ALDH8A1: variants seen among roughly 807,000 people sequenced by gnomAD.
The protein encoded by ALDH8A1 is 2-aminomuconic semialdehyde dehydrogenase.
ALDH8A1 carries 39 observed loss-of-function variants against 43.3 expected under a neutral mutation model. The observed-to-expected ratio is 0.90, with a 90% CI of 0.70 to 1.18. The LOEUF is 1.18. ALDH8A1 is among the 50% of genes most tolerant of loss of function. The probability of loss-of-function intolerance (pLI) is 0.00; values close to 1 mark genes in which losing one functional copy is unlikely to be tolerated. For synonymous variants in ALDH8A1, 233 were observed against 243.5 expected, an observed-to-expected ratio of 0.96 and a Z score of 0.40; for missense variants, 605 against 622.6, an observed-to-expected ratio of 0.97 and a Z score of 0.30.
chr6:134,946,387 T>C (rs975350422), intron 1 of ALDH8A1, among the ~76,000 whole-genome samples: 1 of 152,184 alleles, frequency 6.6e-6, no homozygotes, highest in Non-Finnish European at 1.5e-5. Context: ...AATCTGGTCT[T>C]TTTGCTATTC....
chr6:134,933,013 G>T lies in ALDH8A1; in HGVS notation c.612C>A (p.Val204=), dbSNP rs749648089. 45 of 1,587,044 alleles carry T rather than the reference G, an allele frequency of 2.8e-5. No individual in the cohort carries two copies. The highest frequency in any genetic ancestry group is 3.8e-5 in the Non-Finnish European group (44 of 1,167,432). ...TGGGCCCGGTTCCAAACACAATATT[G>T]ACCACACCTGGTGGAACACCTGGAT... The part of the protein sequence containing the change: ...LDKAGVPPGV[V]NIVFGTGPRV... Residue 204 remains valine (V), a synonymous_variant, in exon 5 of 7, where the codon GTC becomes GTA. Coordinates refer to ENST00000265605, the MANE Select transcript of ALDH8A1 (RefSeq NM_022568.4).
intron 1 of ALDH8A1, among the ~76,000 whole-genome samples, chr6:134,945,858 T>C (rs1332617640): frequency 6.6e-6 from 1 of 152,134 alleles, no homozygotes; most frequent in Non-Finnish European, 1.5e-5. Flanking sequence ...CCAAATCTCA[T>C]CTTGAATTGT....
At chr6:134,936,062 C>T (rs1437239127) in intron 4 of ALDH8A1, among the ~76,000 whole-genome samples, 1 of 152,120 alleles carries the variant, frequency 6.6e-6, no homozygotes, top group African/African-American at 2.4e-5. Context: ...AGCGATTTTC[C>T]CACCTCAGCC....
At chr6:134,944,321 G>A (rs899313683) in intron 1 of ALDH8A1, 5 of 183,988 alleles carry the variant, frequency 2.7e-5, no homozygotes, top group Non-Finnish European at 4.6e-5. Flanking sequence ...CACTCGCCTC[G>A]GCCTCCCAAA....
At chr6:134,935,272 C>T (rs899777618) in intron 4 of ALDH8A1, among the ~76,000 whole-genome samples, 5 of 152,084 alleles carry the variant, frequency 3.3e-5, no homozygotes, top group East Asian at 1.9e-4. Context: ...CACTGCTATC[C>T]GTGACTCACA....
At chr6:134,942,662 CT>C in intron 2 of ALDH8A1, 98 bp from the exon 3 acceptor site, 1 of 1,288,828 alleles carries the variant, frequency 7.8e-7, no homozygotes, top group Non-Finnish European at 1.1e-6. Flanking sequence ...CTGAAACAGC[CT>C]GGATTCCTTC....
chr6:134,933,087 G>A, intron 4 of ALDH8A1, 55 bp from the exon 5 acceptor site: 1 of 1,474,734 alleles, frequency 6.8e-7, no homozygotes, highest in Non-Finnish European at 8.9e-7. Flanking sequence ...AAGAGTTCAA[G>A]TTACTTGGAA....
At chr6:134,930,509 C>T (rs184697221) in intron 5 of ALDH8A1, among the ~76,000 whole-genome samples, 193 of 152,342 alleles carry the variant, frequency 1.3e-3, no homozygotes, top group South Asian at 2.1e-3. Flanking sequence ...ATGTTTGTGT[C>T]TGACTTCACA....
intron 4 of ALDH8A1, among the ~76,000 whole-genome samples, chr6:134,933,438 A>C (rs1373444802): frequency 6.6e-6 from 1 of 152,186 alleles, no homozygotes; most frequent in Non-Finnish European, 1.5e-5. Context: ...GTGTGAAAAC[A>C]TTAAGTAGAG....
At chr6:134,919,925 TACAG>T (rs1776769486) in intron 6 of ALDH8A1, among the ~76,000 whole-genome samples, 1 of 152,218 alleles carries the variant, frequency 6.6e-6, no homozygotes. Context: ...AGACTTTTTT[TACAG>T]ACAATGTCTC....
chr6:134,929,762 C>G (rs765119669), intron 5 of ALDH8A1, among the ~76,000 whole-genome samples: 1 of 152,080 alleles, frequency 6.6e-6, no homozygotes, highest in Non-Finnish European at 1.5e-5. Flanking sequence ...AAGGCTCTAT[C>G]GTGCAGTCTC....
At position 134,939,298 on chromosome 6, in the gene ALDH8A1, G is replaced by A. The variant is rs750250670; in HGVS notation, c.560C>T (p.Ala187Val). The A allele has an allele frequency of 8.1e-6, 13 of 1,614,138 alleles. No homozygotes were observed. Among genetic ancestry groups the A allele is most frequent in the South Asian group, 5.5e-5 (5 of 91,080 alleles). The change falls in exon 4 of 7, where the codon GCG (alanine) becomes GTG (valine). Residue 187 changes from alanine to valine, a missense_variant. Ala to Val is a moderately conservative substitution (Grantham distance 64). Transcript: ENST00000265605. ...AKPSELTSVTAWMLCKLLDKA... is the reference protein window; with the variant it reads ...AKPSELTSVTVWMLCKLLDKA... ...ATCCAGGAGTTTGCACAACATCCACGCAGTCACTGAAGTCAGCTCACTGGG... is the reference window on the plus strand; with the variant it reads ...ATCCAGGAGTTTGCACAACATCCACACAGTCACTGAAGTCAGCTCACTGGG...
intron 3 of ALDH8A1, chr6:134,940,348 T>C (rs540947278): frequency 5.1e-6 from 1 of 197,328 alleles, no homozygotes; most frequent in African/African-American, 2.3e-5. Flanking sequence ...CCCCATTATT[T>C]TAACGGTCTG....
intron 4 of ALDH8A1, among the ~76,000 whole-genome samples, chr6:134,935,221 G>C (rs1214250046): frequency 6.6e-6 from 1 of 152,210 alleles, no homozygotes; most frequent in African/African-American, 2.4e-5. Flanking sequence ...ACTCAGACCA[G>C]TAAATGCAAA....
At position 134,918,328 on chromosome 6, in the gene ALDH8A1, A is replaced by C. The variant is rs1265608331; in HGVS notation, c.*87T>G. The C allele has an allele frequency of 1.5e-6, 2 of 1,330,038 alleles. No individual in the cohort carries two copies. The highest frequency in any genetic ancestry group is 4.7e-5 in the East Asian group (2 of 42,620). 82.4% of individuals were successfully genotyped at this position (1,330,038 alleles called of 1,614,324 possible). A position where few individuals can be genotyped will look rare whatever the true frequency, so the allele number is the denominator to read the frequency against. On this transcript the variant is annotated 3_prime_UTR_variant, in exon 7 of 7. Coordinates refer to ENST00000265605, the MANE Select transcript of ALDH8A1 (RefSeq NM_022568.4). Reference sequence around the variant, plus strand: ...TCTGCCAAGTCAAGGCATAGCTGGAATTCATGCCATGATTTTCATCTACCA... The same window carrying C: ...TCTGCCAAGTCAAGGCATAGCTGGACTTCATGCCATGATTTTCATCTACCA...
chr6:134,924,069 C>A (rs191956296), intron 6 of ALDH8A1, among the ~76,000 whole-genome samples: 3 of 152,302 alleles, frequency 2.0e-5, no homozygotes, highest in African/African-American at 7.2e-5. Context: ...GGAAACCAAG[C>A]TCTCCCTGCA....
intron 6 of ALDH8A1, among the ~76,000 whole-genome samples, chr6:134,922,013 C>A (rs9483779): frequency 6.6e-6 from 1 of 152,152 alleles, no homozygotes; most frequent in East Asian, 1.9e-4. Context: ...GTCCAGCTGG[C>A]GGGAGGCTCA....
chr6:134,924,149 G>A (rs1776848978), intron 6 of ALDH8A1, among the ~76,000 whole-genome samples: 1 of 152,204 alleles, frequency 6.6e-6, no homozygotes, highest in Non-Finnish European at 1.5e-5. Context: ...TGAGGCAGAA[G>A]GAGGGCCGGC....
At chr6:134,944,642 G>C (rs913233510) in intron 1 of ALDH8A1, among the ~76,000 whole-genome samples, 3 of 152,064 alleles carry the variant, frequency 2.0e-5, no homozygotes, top group Admixed American at 6.5e-5. Context: ...TTAGCACTTA[G>C]GGAGGCTGGG....
Sources: allele counts gnomAD v4.1 joint callset (sites outside exome capture counted in the v4.1 genomes callset), GRCh38; gene constraint gnomAD v4.1.1; transcripts MANE v1.5; gene names NCBI Gene and HGNC (gene_info 2026-07-23, HGNC 2026-07-21).